The following DOCK3 variants were observed in gnomAD, a reference collection of about 807,000 sequenced individuals.
The protein encoded by DOCK3 is dedicator of cytokinesis protein 3.
A neutral mutation model predicts 265.6 loss-of-function variants in DOCK3; 60 were observed. That is an observed-to-expected ratio of 0.23 (90% CI 0.18 to 0.28). DOCK3 has a LOEUF of 0.28. Among genes scored for constraint, DOCK3 ranks in the 10% least tolerant of loss-of-function variants. The probability of loss-of-function intolerance (pLI) is 1.00; values close to 1 mark genes in which losing one functional copy is unlikely to be tolerated. For synonymous variants in DOCK3, 881 were observed against 938.0 expected (o/e 0.94, Z 1.11); for missense variants, 1,981 against 2,594.3 (o/e 0.76, Z 5.14).
chr3:50,987,324 T>C (rs539166323), intron 5 of DOCK3, among the ~76,000 whole-genome samples: 11 of 152,236 alleles, frequency 7.2e-5, no homozygotes, highest in Non-Finnish European at 1.3e-4. Flanking sequence ...TTTAATGTAT[T>C]AATAGTGGTA....
intron 12 of DOCK3, among the ~76,000 whole-genome samples, chr3:51,206,212 CAA>C (rs940790744): frequency 6.6e-6 from 1 of 152,026 alleles, no homozygotes; most frequent in African/African-American, 2.4e-5. Flanking sequence ...AGAATGATGG[CAA>C]AGTTTTAATT....
In DOCK3 at chr3:50,898,842, G is replaced by A. The variant is rs149076172; in HGVS notation, c.218+8761G>A. 2.9e-3 allele frequency among the ~76,000 whole-genome samples: 437 copies of A among 152,214 alleles called. 1 individual carries two copies. Among genetic ancestry groups the A allele is most frequent in the Non-Finnish European group, 5.2e-3 (354 of 67,990 alleles). ...CCAATTTGATTGCACTGTGGTCTGA[G>A]AGACTGTTATGATTTCCGTTCTTTT... On this transcript the variant is annotated intron_variant, in intron 4 of 52. Coordinates refer to ENST00000266037, the MANE Select transcript of DOCK3 (RefSeq NM_004947.5).
intron 1 of DOCK3, among the ~76,000 whole-genome samples, chr3:50,722,001 G>T (rs1441271621): frequency 9.9e-5 from 15 of 152,142 alleles, no homozygotes. Flanking sequence ...ACTGAATGGG[G>T]GGTGGAAATA....
intron 12 of DOCK3, among the ~76,000 whole-genome samples, chr3:51,208,547 G>A (rs2089342314): frequency 6.6e-6 from 1 of 152,164 alleles, no homozygotes; most frequent in Non-Finnish European, 1.5e-5. Flanking sequence ...GAGGAATTTT[G>A]CCAATTAAAT....
At chr3:51,039,138 G>T (rs1372379828) in intron 5 of DOCK3, among the ~76,000 whole-genome samples, 1 of 151,968 alleles carries the variant, frequency 6.6e-6, no homozygotes, top group Admixed American at 6.6e-5. Context: ...TGGGACTACA[G>T]GCATCTGCCA....
chr3:50,893,962 G>A (rs904955866), intron 4 of DOCK3, among the ~76,000 whole-genome samples: 4 of 132,194 alleles, frequency 3.0e-5, no homozygotes, highest in Admixed American at 1.6e-4. Flanking sequence ...ATCACACACC[G>A]GGGCCTGTCG....
chr3:51,362,404 G>C, intron 48 of DOCK3, 123 bp from the exon 49 acceptor site: 6 of 1,308,618 alleles, frequency 4.6e-6, no homozygotes, highest in Non-Finnish European at 6.3e-6. Context: ...CTCCATCAGG[G>C]CTCAGGGGAT....
At chr3:50,846,702 A>C (rs1159125863) in intron 3 of DOCK3, among the ~76,000 whole-genome samples, 1 of 152,124 alleles carries the variant, frequency 6.6e-6, no homozygotes, top group Non-Finnish European at 1.5e-5. Flanking sequence ...TGGTCTGTTC[A>C]GGGTTTCAGT....
intron 2 of DOCK3, among the ~76,000 whole-genome samples, chr3:50,802,872 T>TC (rs2043144063): frequency 6.6e-6 from 1 of 152,010 alleles, no homozygotes; most frequent in South Asian, 2.1e-4. Flanking sequence ...AAACATGTTT[T>TC]CCCCACCTTT....
chr3:51,016,789 AAT>A (rs541023597), intron 5 of DOCK3, among the ~76,000 whole-genome samples: 8,475 of 11,822 alleles, frequency 0.72, 4,129 homozygotes, highest in East Asian at 0.81. Context: ...ATCATATATA[AAT>A]ATATATGATA....
At chr3:51,190,548 C>A (rs1471020458) in intron 12 of DOCK3, among the ~76,000 whole-genome samples, 1 of 152,188 alleles carries the variant, frequency 6.6e-6, no homozygotes, top group Non-Finnish European at 1.5e-5. Flanking sequence ...AGGTAACATA[C>A]AAGTTTTCTC....
chr3:51,042,198 A>G (rs1374911743), intron 5 of DOCK3, among the ~76,000 whole-genome samples: 2 of 152,200 alleles, frequency 1.3e-5, no homozygotes, highest in African/African-American at 2.4e-5. Flanking sequence ...AATACTGGCA[A>G]ACTGAATCCA....
Position 50,688,731 on chromosome 3 carries a change from T to C in DOCK3, c.37+13431T>C, listed in dbSNP as rs150167851. ...CACCCACCTTGGCCTCTTAAAGTGC[T>C]GGGATTACAGGTATGAGCCACCATG... On this transcript the variant is annotated intron_variant, in intron 1 of 52. Transcript: ENST00000266037. 7.3e-3 allele frequency among the ~76,000 whole-genome samples: 1,113 copies of C among 152,322 alleles called. 6 individuals carry two copies. Among genetic ancestry groups the C allele is most frequent in the African/African-American group, 0.01 (430 of 41,574 alleles).
rs185983468 is a variant in DOCK3, at chr3:51,288,917, T to G, written c.2922+8713T>G. ...GTGTGTGTGTGGGTGTGTGTGTGTG[T>G]GTGTGTGTGCCCATGTGTGTGTATT... On this transcript the variant is annotated intron_variant, in intron 27 of 52. Coordinates refer to ENST00000266037, the MANE Select transcript of DOCK3 (RefSeq NM_004947.5). 9.9e-5 allele frequency among the ~76,000 whole-genome samples: 15 copies of G among 151,754 alleles called. No individual in the cohort carries two copies. The East Asian group carries it at 2.3e-3, about 24-fold the overall frequency.
intron 12 of DOCK3, among the ~76,000 whole-genome samples, chr3:51,180,082 C>T (rs769909384): frequency 1.3e-4 from 19 of 151,850 alleles, no homozygotes; most frequent in Non-Finnish European, 2.5e-4. Flanking sequence ...GTGGCCGGCA[C>T]CTGTTATCCC....
At chr3:51,357,354 T>G (rs2086432484) in intron 44 of DOCK3, among the ~76,000 whole-genome samples, 1 of 152,198 alleles carries the variant, frequency 6.6e-6, no homozygotes, top group Admixed American at 6.5e-5. Context: ...TTCTCTGAAC[T>G]CTAAGATGGG....
chr3:50,983,008 C>A (rs564866801), intron 5 of DOCK3, among the ~76,000 whole-genome samples: 3 of 152,326 alleles, frequency 2.0e-5, no homozygotes, highest in African/African-American at 7.2e-5. Flanking sequence ...CTGGCCTCTC[C>A]CTGTCCCCAT....
chr3:50,707,389 A>G (rs1410799038), intron 1 of DOCK3, among the ~76,000 whole-genome samples: 2 of 151,520 alleles, frequency 1.3e-5, no homozygotes, highest in African/African-American at 4.9e-5. Context: ...GTGAGCCAGG[A>G]TTGTGCCACT....
intron 5 of DOCK3, among the ~76,000 whole-genome samples, chr3:51,015,252 G>C (rs889072113): frequency 6.6e-6 from 1 of 152,020 alleles, no homozygotes; most frequent in Non-Finnish European, 1.5e-5. Flanking sequence ...CATTCAGTAT[G>C]ATACCAGCCG....
Sources: allele counts gnomAD v4.1 joint callset (sites outside exome capture counted in the v4.1 genomes callset), GRCh38; gene constraint gnomAD v4.1.1; transcripts MANE v1.5; gene names NCBI Gene and HGNC (gene_info 2026-07-23, HGNC 2026-07-21).